The following NCAM2 variants were observed in gnomAD, a reference collection of about 807,000 sequenced individuals.
NCAM2 encodes neural cell adhesion molecule 2.
In NCAM2, 30 loss-of-function variants were observed where a neutral mutation model predicts 98.1. That is an observed-to-expected ratio of 0.31 (90% confidence interval 0.23 to 0.41). The LOEUF (loss-of-function observed/expected upper bound fraction) is 0.41. Ranked by LOEUF, NCAM2 falls within the 10% of genes least tolerant of loss-of-function variation. The pLI is 1.00. For missense variants in NCAM2, 867 were observed against 1,005.8 expected (o/e 0.86, Z 1.87); for synonymous variants, 368 against 342.4 (o/e 1.07, Z -0.83).
chr21:21,452,368 G>C (rs547774808), intron 12 of NCAM2, among the ~76,000 whole-genome samples: 8 of 139,584 alleles, frequency 5.7e-5, no homozygotes, highest in African/African-American at 2.1e-4. Context: ...ACTATGTTTA[G>C]GGAGATTTTA....
intron 12 of NCAM2, among the ~76,000 whole-genome samples, chr21:21,443,971 T>C (rs1251285259): frequency 6.6e-6 from 1 of 152,170 alleles, no homozygotes; most frequent in Admixed American, 6.6e-5. Context: ...ATATTGGCTG[T>C]GGGTTTGTCA....
At chr21:21,056,494 G>GTGTGTA (rs1363930113) in intron 1 of NCAM2, among the ~76,000 whole-genome samples, 1 of 144,026 alleles carries the variant, frequency 6.9e-6, no homozygotes, top group African/African-American at 2.7e-5. Context: ...ATATGTCTGT[G>GTGTGTA]TGTGTGTGTG....
In NCAM2 at chr21:21,020,098, G is replaced by A. The variant is rs183055059; in HGVS notation, c.55+21480G>A. Among the ~76,000 whole-genome samples, 8 of 151,976 alleles carry A rather than the reference G, an allele frequency of 5.3e-5. No individual in the cohort carries two copies. The East Asian group carries it at 1.4e-3, about 26-fold the overall frequency. ...GCTGCCTGGGCTGGAGTGCAGTGGC[G>A]TGATCTAAGTTCACTGCTACCTCTG... is the stretch of plus-strand genomic sequence containing the variant. On this transcript the variant is annotated intron_variant, in intron 1 of 17. Transcript: ENST00000400546.
chr21:21,035,441 A>G (rs2064776763), intron 1 of NCAM2, among the ~76,000 whole-genome samples: 1 of 152,222 alleles, frequency 6.6e-6, no homozygotes, highest in Non-Finnish European at 1.5e-5. Context: ...CAATTGCTAT[A>G]AACTATAAAT....
chr21:21,114,851 G>T (rs1311990701), intron 1 of NCAM2, among the ~76,000 whole-genome samples: 2 of 149,158 alleles, frequency 1.3e-5, no homozygotes, highest in Non-Finnish European at 1.5e-5. Context: ...TTGAAGTTTC[G>T]CTCTTGTCGC....
chr21:21,475,943 T>C (rs1985110545), intron 14 of NCAM2, among the ~76,000 whole-genome samples: 1 of 152,172 alleles, frequency 6.6e-6, no homozygotes, highest in African/African-American at 2.4e-5. Context: ...TAGTATGTTA[T>C]CAAAATTACA....
intron 15 of NCAM2, among the ~76,000 whole-genome samples, chr21:21,487,875 A>G (rs1481550830): frequency 6.6e-6 from 1 of 152,112 alleles, no homozygotes; most frequent in Non-Finnish European, 1.5e-5. Context: ...TACGTGGAAA[A>G]ACCTTAGGTG....
At chr21:21,126,089 G>A (rs1480698339) in intron 1 of NCAM2, among the ~76,000 whole-genome samples, 1 of 151,666 alleles carries the variant, frequency 6.6e-6, no homozygotes, top group East Asian at 1.9e-4. Flanking sequence ...TCCTAGTAAA[G>A]ATGCTCTATT....
intron 1 of NCAM2, among the ~76,000 whole-genome samples, chr21:21,000,333 A>G (rs908916200): frequency 6.6e-6 from 1 of 152,246 alleles, no homozygotes; most frequent in Non-Finnish European, 1.5e-5. Context: ...AAGTTTATGC[A>G]GACTTAGGAT....
intron 8 of NCAM2, among the ~76,000 whole-genome samples, chr21:21,350,010 A>G (rs1167526877): frequency 1.3e-5 from 2 of 152,170 alleles, no homozygotes; most frequent in Non-Finnish European, 2.9e-5. Context: ...TGATAGTCCA[A>G]CAGGGTGAGT....
At chr21:21,316,166 A>G (rs1310765501) in intron 5 of NCAM2, among the ~76,000 whole-genome samples, 1 of 152,170 alleles carries the variant, frequency 6.6e-6, no homozygotes, top group Non-Finnish European at 1.5e-5. Context: ...TAAAAAGTAA[A>G]AGATTTATAG....
intron 1 of NCAM2, among the ~76,000 whole-genome samples, chr21:21,083,685 G>T (rs2065854410): frequency 6.6e-6 from 1 of 151,984 alleles, no homozygotes. Flanking sequence ...AAATTGCTGG[G>T]ATTACAGATG....
At chr21:21,317,789 C>T (rs1037886365) in intron 5 of NCAM2, among the ~76,000 whole-genome samples, 2 of 152,144 alleles carry the variant, frequency 1.3e-5, no homozygotes, top group African/African-American at 4.8e-5. Flanking sequence ...CCTGCCTCAG[C>T]CTCCCAGATC....
chr21:21,249,957 C>T (rs1307888259), intron 1 of NCAM2, among the ~76,000 whole-genome samples: 3 of 152,064 alleles, frequency 2.0e-5, no homozygotes, highest in Non-Finnish European at 4.4e-5. Flanking sequence ...TGTATCATGC[C>T]TCTCTCTGGT....
intron 16 of NCAM2, among the ~76,000 whole-genome samples, chr21:21,531,672 A>G (rs1989703087): frequency 6.6e-6 from 1 of 152,116 alleles, no homozygotes; most frequent in Non-Finnish European, 1.5e-5. Flanking sequence ...ACATTTTGTG[A>G]CTATTTTGAC....
chr21:21,078,232 A>G (rs2065720805), intron 1 of NCAM2, among the ~76,000 whole-genome samples: 2 of 152,324 alleles, frequency 1.3e-5, no homozygotes, highest in South Asian at 2.1e-4. Context: ...GCATTCATGT[A>G]TTAGAGTGCT....
At chr21:21,260,071 A>G (rs1401037332) in intron 1 of NCAM2, among the ~76,000 whole-genome samples, 1 of 151,694 alleles carries the variant, frequency 6.6e-6, no homozygotes, top group Non-Finnish European at 1.5e-5. Context: ...AATTATGAGC[A>G]ATAGAATAGA....
chr21:21,454,468 TG>T (rs1569081664), intron 12 of NCAM2, among the ~76,000 whole-genome samples: 1 of 152,038 alleles, frequency 6.6e-6, no homozygotes, highest in Non-Finnish European at 1.5e-5. Context: ...AACTTATGTA[TG>T]GGTACAGCTC....
chr21:21,152,119 C>G (rs558662585), intron 1 of NCAM2, among the ~76,000 whole-genome samples: 24 of 152,084 alleles, frequency 1.6e-4, no homozygotes, highest in Admixed American at 3.3e-4. Context: ...CAGTCAATGA[C>G]TGATGCTTTG....
Sources: gnomAD v4.1 joint callset for allele counts (sites outside exome capture counted in the v4.1 genomes callset) on GRCh38, gnomAD v4.1.1 for gene constraint, MANE v1.5 for transcripts, NCBI Gene and HGNC (gene_info 2026-07-23, HGNC 2026-07-21) for gene names.